The following DOK6 variants were observed in gnomAD, a reference collection of about 807,000 sequenced individuals.
DOK6 encodes downstream of tyrosine kinase 6.
Under a neutral mutation model 44.0 loss-of-function variants are expected in DOK6, and 22 were observed. The ratio of observed to expected loss-of-function variants is 0.50; its 90% CI spans 0.36 to 0.71. The LOEUF (loss-of-function observed/expected upper bound fraction) is 0.71. DOK6 is among the 30% of genes least tolerant of loss of function. The probability of loss-of-function intolerance (pLI) is 0.00; values close to 1 mark genes in which losing one functional copy is unlikely to be tolerated. For synonymous variants in DOK6, 166 were observed against 145.5 expected (o/e 1.14, Z -1.01); for missense variants, 340 against 416.4 (o/e 0.82, Z 1.60).
intron 1 of DOK6, among the ~76,000 whole-genome samples, chr18:69,471,019 G>T (rs1175496733): frequency 6.6e-6 from 1 of 151,856 alleles, no homozygotes. Flanking sequence ...GGAGTCCGAG[G>T]CAGGCGGATC....
chr18:69,795,925 A>G (rs1327787489), intron 7 of DOK6, among the ~76,000 whole-genome samples: 1 of 152,216 alleles, frequency 6.6e-6, no homozygotes, highest in Non-Finnish European at 1.5e-5. Flanking sequence ...CCACGTAGGG[A>G]AAGAGCCAGC....
At chr18:69,807,857 AT>A (rs1981100127) in intron 7 of DOK6, among the ~76,000 whole-genome samples, 1 of 151,874 alleles carries the variant, frequency 6.6e-6, no homozygotes, top group Non-Finnish European at 1.5e-5. Flanking sequence ...AGAGACTGCA[AT>A]ATCTTACTTT....
chr18:69,741,341 T>G (rs779765275), intron 6 of DOK6, among the ~76,000 whole-genome samples: 1 of 152,248 alleles, frequency 6.6e-6, no homozygotes, highest in Non-Finnish European at 1.5e-5. Context: ...ATGGCTAATT[T>G]GTTCTTCAGA....
intron 5 of DOK6, among the ~76,000 whole-genome samples, chr18:69,737,328 AG>A (rs1978644692): frequency 6.6e-6 from 1 of 152,176 alleles, no homozygotes; most frequent in Non-Finnish European, 1.5e-5. Flanking sequence ...GAGAGAGAAG[AG>A]CAAAGGAAGA....
chr18:69,594,685 T>C (rs1983701159), intron 2 of DOK6, among the ~76,000 whole-genome samples: 1 of 151,966 alleles, frequency 6.6e-6, no homozygotes, highest in Non-Finnish European at 1.5e-5. Flanking sequence ...GATGATCTTA[T>C]ATTTTGAAAA....
chr18:69,692,590 T>C (rs937459538), intron 4 of DOK6, among the ~76,000 whole-genome samples: 1 of 152,232 alleles, frequency 6.6e-6, no homozygotes, highest in Non-Finnish European at 1.5e-5. Context: ...TGATTGTATA[T>C]AGAAGTGAGT....
chr18:69,672,134 G>T (rs917799863), intron 3 of DOK6, among the ~76,000 whole-genome samples: 3 of 152,088 alleles, frequency 2.0e-5, no homozygotes, highest in Non-Finnish European at 4.4e-5. Context: ...AGGACTATTA[G>T]GTATCAGTGA....
chr18:69,570,912 G>C (rs1231870806), intron 2 of DOK6, among the ~76,000 whole-genome samples: 1 of 152,110 alleles, frequency 6.6e-6, no homozygotes, highest in East Asian at 1.9e-4. Context: ...TACTCCAAAA[G>C]TGTTGAAAGT....
At chr18:69,489,131 T>C (rs1429732151) in intron 1 of DOK6, among the ~76,000 whole-genome samples, 1 of 152,198 alleles carries the variant, frequency 6.6e-6, no homozygotes, top group Admixed American at 6.5e-5. Flanking sequence ...TTAGATTGTT[T>C]CTAAAAGGAT....
chr18:69,808,737 A>T (rs1217604936), intron 7 of DOK6, among the ~76,000 whole-genome samples: 1 of 151,912 alleles, frequency 6.6e-6, no homozygotes, highest in Non-Finnish European at 1.5e-5. Flanking sequence ...AGACTGAATC[A>T]TGAAGAAATA....
intron 6 of DOK6, among the ~76,000 whole-genome samples, chr18:69,747,165 G>C (rs1220466406): frequency 1.3e-5 from 2 of 152,210 alleles, no homozygotes. Context: ...CAGGCACATA[G>C]AGAATGGCTC....
intron 1 of DOK6, among the ~76,000 whole-genome samples, chr18:69,459,806 CAG>C (rs1478470229): frequency 1.3e-5 from 2 of 152,036 alleles, no homozygotes; most frequent in Admixed American, 6.6e-5. Flanking sequence ...CTTGAATATG[CAG>C]AGTTTAAAAA....
chr18:69,723,407 G>A (rs924006371), intron 5 of DOK6, among the ~76,000 whole-genome samples: 3 of 152,178 alleles, frequency 2.0e-5, no homozygotes, highest in African/African-American at 7.2e-5. Flanking sequence ...ATGGAAAGCT[G>A]CCACTTTACC....
chr18:69,750,468 A>AT (rs1399969444), intron 6 of DOK6, among the ~76,000 whole-genome samples: 1 of 152,238 alleles, frequency 6.6e-6, no homozygotes, highest in Non-Finnish European at 1.5e-5. Flanking sequence ...ACAAAGGTTC[A>AT]TAAAAAATGC....
At chr18:69,728,927 GT>G (rs1978327898) in intron 5 of DOK6, among the ~76,000 whole-genome samples, 1 of 152,014 alleles carries the variant, frequency 6.6e-6, no homozygotes, top group South Asian at 2.1e-4. Context: ...CATGATTTTT[GT>G]GACATCAAGG....
intron 3 of DOK6, among the ~76,000 whole-genome samples, chr18:69,623,320 G>C (rs1015020110): frequency 6.6e-6 from 1 of 152,054 alleles, no homozygotes; most frequent in Non-Finnish European, 1.5e-5. Flanking sequence ...TTACAGCATT[G>C]CAAGAACAGA....
chr18:69,501,569 T>C (rs896622027), intron 1 of DOK6, among the ~76,000 whole-genome samples: 2 of 152,132 alleles, frequency 1.3e-5, no homozygotes, highest in Non-Finnish European at 2.9e-5. Context: ...TACTTGTGGG[T>C]CAGGGGAGTG....
At chr18:69,407,069 G>A (rs999833313) in intron 1 of DOK6, among the ~76,000 whole-genome samples, 3 of 152,078 alleles carry the variant, frequency 2.0e-5, no homozygotes, top group African/African-American at 4.8e-5. Context: ...CAACAAGAGC[G>A]AAACTCCATC....
intron 7 of DOK6, among the ~76,000 whole-genome samples, chr18:69,829,157 G>A (rs189869113): frequency 4.7e-4 from 71 of 150,120 alleles, no homozygotes; most frequent in African/African-American, 1.6e-3. Flanking sequence ...GTGGAAAAGA[G>A]GGAGAGAAAA....
Sources: gnomAD v4.1 joint callset for allele counts (sites outside exome capture counted in the v4.1 genomes callset) on GRCh38, gnomAD v4.1.1 for gene constraint, MANE v1.5 for transcripts, NCBI Gene and HGNC (gene_info 2026-07-23, HGNC 2026-07-21) for gene names.